SNX29: variants seen among roughly 807,000 people sequenced by gnomAD.
The protein encoded by SNX29 is sorting nexin 29, also known as sorting nexin-29.
In SNX29, 78 loss-of-function variants were observed where a neutral mutation model predicts 102.1. The observed-to-expected ratio is 0.76, with a 90% CI of 0.64 to 0.92. The LOEUF is 0.92. Among genes scored for constraint, SNX29 ranks in the 40% least tolerant of loss-of-function variants. SNX29 has a pLI of 0.00. For missense variants in SNX29, 1,280 were observed against 1,061.7 expected (o/e 1.21, Z -2.86); for synonymous variants, 580 against 414.5 (o/e 1.40, Z -4.85).
At chr16:12,448,809 A>T (rs534452279) in intron 18 of SNX29, among the ~76,000 whole-genome samples, 2 of 152,314 alleles carry the variant, frequency 1.3e-5, no homozygotes, top group East Asian at 3.9e-4. Context: ...GATCAGGTGC[A>T]TCAAACTGCC....
At chr16:12,370,257 A>C (rs1205166955) in intron 16 of SNX29, among the ~76,000 whole-genome samples, 1 of 151,782 alleles carries the variant, frequency 6.6e-6, no homozygotes, top group African/African-American at 2.4e-5. Context: ...AACAAAAAAC[A>C]ATCAACAACA....
At chr16:12,186,051 T>C (rs915305967) in intron 13 of SNX29, among the ~76,000 whole-genome samples, 1 of 152,184 alleles carries the variant, frequency 6.6e-6, no homozygotes, top group Non-Finnish European at 1.5e-5. Context: ...TATTCCCAGA[T>C]ACTGTTTATT....
chr16:12,556,783 A>T (rs984692439), intron 20 of SNX29, among the ~76,000 whole-genome samples: 12 of 152,162 alleles, frequency 7.9e-5, no homozygotes, highest in Non-Finnish European at 1.3e-4. Context: ...TGAGCATTGG[A>T]GTCAACAGTT....
At chr16:12,233,361 C>T (rs529310265) in intron 14 of SNX29, among the ~76,000 whole-genome samples, 1 of 152,258 alleles carries the variant, frequency 6.6e-6, no homozygotes, top group South Asian at 2.1e-4. Flanking sequence ...ATTGCATGTT[C>T]TGACTTATAA....
intron 20 of SNX29, among the ~76,000 whole-genome samples, chr16:12,556,809 G>A (rs917916483): frequency 4.6e-5 from 7 of 152,126 alleles, no homozygotes; most frequent in Non-Finnish European, 1.0e-4. Context: ...CTTTACTAAA[G>A]TACAGAAGCC....
intron 12 of SNX29, among the ~76,000 whole-genome samples, chr16:12,128,522 G>A (rs955468004): frequency 7.7e-5 from 11 of 142,556 alleles, no homozygotes; most frequent in Admixed American, 2.9e-4. Flanking sequence ...GTGTGATCTC[G>A]GCTCACTGCA....
At chr16:12,392,049 A>G (rs1421973887) in intron 16 of SNX29, among the ~76,000 whole-genome samples, 2 of 152,246 alleles carry the variant, frequency 1.3e-5, no homozygotes, top group African/African-American at 2.4e-5. Context: ...GTGTCTTTAT[A>G]GAAATGGTTC....
At chr16:12,172,149 A>G (rs1359767390) in intron 13 of SNX29, among the ~76,000 whole-genome samples, 1 of 152,220 alleles carries the variant, frequency 6.6e-6, no homozygotes, top group African/African-American at 2.4e-5. Flanking sequence ...CCTAAGAATG[A>G]AATGCAAATC....
chr16:12,502,749 T>C (rs1035092319), intron 19 of SNX29, among the ~76,000 whole-genome samples: 1 of 152,182 alleles, frequency 6.6e-6, no homozygotes, highest in Admixed American at 6.5e-5. Context: ...GATGACAAAT[T>C]ATAATAGGAG....
chr16:12,213,432 C>A (rs745547789), intron 14 of SNX29, among the ~76,000 whole-genome samples: 1 of 152,112 alleles, frequency 6.6e-6, no homozygotes, highest in Non-Finnish European at 1.5e-5. Flanking sequence ...CTACACAGTT[C>A]ATTCAAGTCA....
At position 12,487,369 on chromosome 16, in the gene SNX29, C is replaced by T. The variant is rs529178001; in HGVS notation, c.2178+9510C>T. ...TACACTAACACCAGCCACCATATGCCGGCTTGCCAGACACACCGGGAACTT... is the reference window on the plus strand; with the variant it reads ...TACACTAACACCAGCCACCATATGCTGGCTTGCCAGACACACCGGGAACTT... On this transcript the variant is annotated intron_variant, in intron 19 of 20. Transcript: ENST00000566228. Among the ~76,000 whole-genome samples, 270 of 152,138 alleles carry T rather than the reference C, an allele frequency of 1.8e-3. 1 individual carries two copies. Among genetic ancestry groups the T allele is most frequent in the Admixed American group, 3.8e-3 (58 of 15,270 alleles).
chr16:12,326,916 T>C (rs1188862758), intron 15 of SNX29, among the ~76,000 whole-genome samples: 2 of 152,038 alleles, frequency 1.3e-5, no homozygotes, highest in Non-Finnish European at 2.9e-5. Context: ...TCCGAGGCAT[T>C]TGGGAAAGAC....
chr16:12,085,774 TTA>T (rs2052142104), intron 11 of SNX29, among the ~76,000 whole-genome samples: 3 of 152,222 alleles, frequency 2.0e-5, no homozygotes, highest in African/African-American at 7.2e-5. Flanking sequence ...GCATTTTTAT[TTA>T]TGTTTTCTCA....
intron 20 of SNX29, chr16:12,527,431 C>CA: frequency 2.3e-6 from 1 of 435,726 alleles, no homozygotes; most frequent in South Asian, 2.1e-5. Context: ...TAAATTTTGA[C>CA]AGATTTTCTC....
At chr16:12,192,713 T>G (rs1658252516) in intron 13 of SNX29, among the ~76,000 whole-genome samples, 1 of 152,074 alleles carries the variant, frequency 6.6e-6, no homozygotes, top group Non-Finnish European at 1.5e-5. Context: ...TATTTATTTA[T>G]TTATTTATTG....
chr16:12,371,674 C>G (rs1289228782), intron 16 of SNX29, among the ~76,000 whole-genome samples: 1 of 152,180 alleles, frequency 6.6e-6, no homozygotes, highest in Non-Finnish European at 1.5e-5. Flanking sequence ...ATTGCCTATG[C>G]CAGCCTGAGT....
Position 12,517,430 on chromosome 16 carries a change from G to A in SNX29, c.2179-7272G>A, listed in dbSNP as rs1008097337. The stretch of plus-strand genomic sequence containing the variant: ...TTCACTCACTTGCTCCCTGGTGTTC[G>A]GCTCTCTTTGGAATCAGGGAGCTGG... On this transcript the variant is annotated intron_variant, in intron 19 of 20. Coordinates refer to ENST00000566228, the MANE Select transcript of SNX29 (RefSeq NM_032167.5). 6.6e-5 allele frequency among the ~76,000 whole-genome samples: 10 copies of A among 152,300 alleles called. 1 individual carries two copies. The highest frequency in any genetic ancestry group is 2.2e-4 in the African/African-American group (9 of 41,562).
chr16:12,540,404 C>T (rs1035748994), intron 20 of SNX29, among the ~76,000 whole-genome samples: 4 of 152,212 alleles, frequency 2.6e-5, no homozygotes, highest in African/African-American at 9.7e-5. Context: ...AAGTTAGTGG[C>T]TAAAAACTAC....
chr16:12,374,169 C>T (rs947585711), intron 16 of SNX29, among the ~76,000 whole-genome samples: 1 of 152,234 alleles, frequency 6.6e-6, no homozygotes, highest in Non-Finnish European at 1.5e-5. Flanking sequence ...GTTTGGATGA[C>T]ACTTCACCTA....
Sources: gnomAD v4.1 joint callset for allele counts (sites outside exome capture counted in the v4.1 genomes callset) on GRCh38, gnomAD v4.1.1 for gene constraint, MANE v1.5 for transcripts, NCBI Gene and HGNC (gene_info 2026-07-23, HGNC 2026-07-21) for gene names.